ABCC4: variants seen among roughly 807,000 people sequenced by gnomAD.
The protein encoded by ABCC4 is ATP-binding cassette sub-family C member 4.
A neutral mutation model predicts 168.5 loss-of-function variants in ABCC4; 102 were observed. That is an observed-to-expected ratio of 0.61 (90% CI 0.52 to 0.71). ABCC4 has a LOEUF of 0.71. ABCC4 is among the 30% of genes least tolerant of loss of function. ABCC4 has a pLI of 0.00. For synonymous variants in ABCC4, 617 were observed against 590.7 expected (o/e 1.04, Z -0.65); for missense variants, 1,402 against 1,605.8 (o/e 0.87, Z 2.17).
At chr13:95,053,981 A>AAC in intron 26 of ABCC4, 1 of 147,586 alleles carries the variant, frequency 6.8e-6, no homozygotes, top group African/African-American at 2.5e-5. Context: ...CCTTCTCAAA[A>AAC]AAAAAAAAAA....
intron 30 of ABCC4, among the ~76,000 whole-genome samples, chr13:95,030,547 G>GTT (rs1169666805): frequency 6.6e-6 from 1 of 152,180 alleles, no homozygotes; most frequent in African/African-American, 2.4e-5. Context: ...CTTTAAAGGT[G>GTT]TAATTAAGTT....
At chr13:95,299,992 C>T (rs534838446) in intron 1 of ABCC4, among the ~76,000 whole-genome samples, 55 of 152,290 alleles carry the variant, frequency 3.6e-4, no homozygotes, top group Middle Eastern at 3.4e-3. Context: ...CAGGCGTGCT[C>T]CACCACACCC....
At chr13:95,155,212 C>CT (rs532277887) in intron 19 of ABCC4, among the ~76,000 whole-genome samples, 8,405 of 144,964 alleles carry the variant, frequency 0.058, 313 homozygotes, top group Middle Eastern at 0.14. Flanking sequence ...AGGAATCATT[C>CT]TTTTTTTTTT....
chr13:95,247,450 C>A (rs548003995), intron 2 of ABCC4, among the ~76,000 whole-genome samples, 193 bp downstream of exon 2: 12 of 152,242 alleles, frequency 7.9e-5, no homozygotes, highest in Admixed American at 7.2e-4. Context: ...CTGACCTCTA[C>A]GGAGGCACAG....
intron 1 of ABCC4, among the ~76,000 whole-genome samples, chr13:95,287,856 C>T (rs1214954887): frequency 1.3e-5 from 2 of 151,842 alleles, no homozygotes; most frequent in Non-Finnish European, 2.9e-5. Context: ...TCCTGGCTAA[C>T]ACAGTGAAAC....
intron 1 of ABCC4, among the ~76,000 whole-genome samples, chr13:95,281,856 C>G (rs1205875001): frequency 6.6e-6 from 1 of 152,148 alleles, no homozygotes; most frequent in Non-Finnish European, 1.5e-5. Context: ...CCTGTAATCC[C>G]AGCACTTTGG....
intron 26 of ABCC4, among the ~76,000 whole-genome samples, chr13:95,060,083 G>A (rs1447346227): frequency 1.3e-5 from 2 of 152,324 alleles, no homozygotes; most frequent in East Asian, 1.9e-4. Flanking sequence ...GTCGCATTAA[G>A]TATTGCACAG....
chr13:95,163,115 AC>A lies in ABCC4; in HGVS notation c.2308+6del. ...CTCATACAATACACCAAATGATTAA[AC>A]TTTACCTGAATAAATTCCTAAGTAC... On this transcript the variant is annotated splice_donor_region_variant and intron_variant, in intron 18 of 30. Coordinates refer to ENST00000645237, the MANE Select transcript of ABCC4 (RefSeq NM_005845.5). 1 of 1,597,546 alleles carries A rather than the reference AC, an allele frequency of 6.3e-7. No individual in the cohort carries two copies. The highest frequency in any genetic ancestry group is 8.6e-7 in the Non-Finnish European group (1 of 1,165,426).
At chr13:95,055,062 T>G (rs543885873) in intron 26 of ABCC4, among the ~76,000 whole-genome samples, 3 of 152,310 alleles carry the variant, frequency 2.0e-5, no homozygotes, top group Non-Finnish European at 4.4e-5. Context: ...GAAAAGTCAC[T>G]GGTCACATGA....
At chr13:95,132,908 T>C (rs930658585) in intron 19 of ABCC4, among the ~76,000 whole-genome samples, 9 of 150,668 alleles carry the variant, frequency 6.0e-5, no homozygotes, top group Admixed American at 2.0e-4. Context: ...TGCCAGGGGG[T>C]GGAGAGAAGG....
chr13:95,060,730 T>C (rs572124742), intron 26 of ABCC4, among the ~76,000 whole-genome samples: 2 of 152,226 alleles, frequency 1.3e-5, no homozygotes, highest in Admixed American at 6.5e-5. Flanking sequence ...AAAATAAAAA[T>C]TGTGGTACAA....
chr13:95,101,086 C>A (rs1181010924), intron 20 of ABCC4, among the ~76,000 whole-genome samples: 1 of 152,184 alleles, frequency 6.6e-6, no homozygotes, highest in Admixed American at 6.5e-5. Context: ...CCAGATGCAG[C>A]AGCTTTTTCT....
intron 3 of ABCC4, among the ~76,000 whole-genome samples, chr13:95,236,420 T>A (rs1370021521): frequency 6.6e-6 from 1 of 152,204 alleles, no homozygotes; most frequent in Non-Finnish European, 1.5e-5. Context: ...ATAGCTGTTT[T>A]CTGTCCATCT....
At chr13:95,129,737 C>A (rs1428801350) in intron 19 of ABCC4, among the ~76,000 whole-genome samples, 1 of 152,012 alleles carries the variant, frequency 6.6e-6, no homozygotes, top group Non-Finnish European at 1.5e-5. Flanking sequence ...TAGAGCAAAG[C>A]TATATATTAC....
At chr13:95,156,015 C>T (rs2139523632) in intron 19 of ABCC4, among the ~76,000 whole-genome samples, 1 of 152,324 alleles carries the variant, frequency 6.6e-6, no homozygotes, top group Non-Finnish European at 1.5e-5. Context: ...TCTCTGCAAA[C>T]TCATGCTTAC....
intron 8 of ABCC4, among the ~76,000 whole-genome samples, chr13:95,201,962 G>A (rs1232094348): frequency 6.6e-6 from 1 of 152,156 alleles, no homozygotes; most frequent in African/African-American, 2.4e-5. Flanking sequence ...GACAGAGTGA[G>A]ACTCATCTCA....
At chr13:95,251,005 A>G (rs901390022) in intron 1 of ABCC4, among the ~76,000 whole-genome samples, 3 of 152,004 alleles carry the variant, frequency 2.0e-5, no homozygotes, top group Non-Finnish European at 2.9e-5. Flanking sequence ...CCAGGCTGGT[A>G]TCGAACTCCT....
Position 95,116,737 on chromosome 13 carries a change from C to T in ABCC4, c.2456-736G>A, listed in dbSNP as rs978028710. On this transcript the variant is annotated intron_variant, in intron 19 of 30. Coordinates refer to ENST00000645237, the MANE Select transcript of ABCC4 (RefSeq NM_005845.5). ...CAGTATGTCATAAAGGCATCACAAA[C>T]AGATCAAACCTGGTTTCTAATAAAT... is the stretch of plus-strand genomic sequence containing the variant. 9.9e-5 allele frequency among the ~76,000 whole-genome samples: 15 copies of T among 152,182 alleles called. 2 individuals carry two copies. Among genetic ancestry groups the T allele is most frequent in the Non-Finnish European group, 2.2e-4 (15 of 68,034 alleles).
chr13:95,273,816 GTTTTTT>G (rs753327163), intron 1 of ABCC4, among the ~76,000 whole-genome samples: 1 of 98,654 alleles, frequency 1.0e-5, no homozygotes, highest in Middle Eastern at 4.2e-3. Context: ...TTTTTGGTTT[GTTTTTT>G]TTTTTTTTTT....
Sources: allele counts gnomAD v4.1 joint callset (sites outside exome capture counted in the v4.1 genomes callset), GRCh38; gene constraint gnomAD v4.1.1; transcripts MANE v1.5; gene names NCBI Gene and HGNC (gene_info 2026-07-23, HGNC 2026-07-21).